SLC39A12: variants seen among roughly 807,000 people sequenced by gnomAD.
SLC39A12 encodes the protein zinc transporter ZIP12.
In SLC39A12, 63 loss-of-function variants were observed where a neutral mutation model predicts 71.1. The ratio of observed to expected loss-of-function variants is 0.89; its 90% CI spans 0.72 to 1.09. SLC39A12 has a LOEUF of 1.09. SLC39A12 is among the 50% of genes least tolerant of loss of function. The pLI, the probability that SLC39A12 is intolerant of heterozygous loss-of-function variation, is 0.00. For synonymous variants in SLC39A12, 351 were observed against 301.3 expected (o/e 1.16, Z -1.71); for missense variants, 892 against 812.6 (o/e 1.10, Z -1.19).
intron 12 of SLC39A12, among the ~76,000 whole-genome samples, chr10:18,015,710 A>C (rs535030227): frequency 1.6e-4 from 25 of 152,228 alleles, no homozygotes; most frequent in African/African-American, 6.0e-4. Context: ...AACCATAATC[A>C]TGATGATTCT....
intron 4 of SLC39A12, among the ~76,000 whole-genome samples, chr10:17,969,963 G>C (rs1041880199): frequency 6.6e-6 from 1 of 151,648 alleles, no homozygotes; most frequent in African/African-American, 2.4e-5. Context: ...TTTGATTTTT[G>C]TATATGATGA....
chr10:18,022,245 T>A (rs527391014), intron 12 of SLC39A12, among the ~76,000 whole-genome samples: 4 of 152,312 alleles, frequency 2.6e-5, no homozygotes, highest in African/African-American at 9.6e-5. Context: ...CCTCTCCGTG[T>A]CTTCCAGGAA....
intron 12 of SLC39A12, among the ~76,000 whole-genome samples, chr10:18,015,508 T>A (rs1223159372): frequency 6.6e-6 from 1 of 152,168 alleles, no homozygotes; most frequent in Non-Finnish European, 1.5e-5. Flanking sequence ...TGGTATAATA[T>A]TGTAGAAAGT....
At chr10:17,959,868 G>C (rs554209578) in intron 2 of SLC39A12, among the ~76,000 whole-genome samples, 1 of 152,316 alleles carries the variant, frequency 6.6e-6, no homozygotes, top group East Asian at 1.9e-4. Flanking sequence ...TGGAGGGGAG[G>C]AAAGACTTTT....
chr10:17,967,538 T>C (rs1047364850), intron 4 of SLC39A12, among the ~76,000 whole-genome samples: 2 of 152,118 alleles, frequency 1.3e-5, no homozygotes, highest in African/African-American at 2.4e-5. Flanking sequence ...GTTTTTAAAA[T>C]AATAACAGTG....
chr10:18,038,258 G>A (rs556480637), intron 12 of SLC39A12, among the ~76,000 whole-genome samples: 3 of 151,954 alleles, frequency 2.0e-5, no homozygotes, highest in African/African-American at 7.2e-5. Context: ...CTGGGAGTAG[G>A]GTCACTGACT....
intron 7 of SLC39A12, among the ~76,000 whole-genome samples, chr10:17,988,072 C>G (rs1835450346): frequency 6.6e-6 from 1 of 152,220 alleles, no homozygotes; most frequent in Non-Finnish European, 1.5e-5. Flanking sequence ...CTTTGGGAGG[C>G]CAAGGCAGGT....
chr10:18,020,076 A>G (rs2488114), intron 12 of SLC39A12, among the ~76,000 whole-genome samples: 67,593 of 151,878 alleles, frequency 0.45, 15,638 homozygotes, highest in Non-Finnish European at 0.52. Context: ...TGGAATACAG[A>G]TAATTTTGTC....
intron 10 of SLC39A12, among the ~76,000 whole-genome samples, chr10:17,998,681 C>T (rs12415053): frequency 6.6e-6 from 1 of 151,972 alleles, no homozygotes; most frequent in African/African-American, 2.4e-5. Flanking sequence ...TCTAAATACC[C>T]ATGATTTTTA....
chr10:17,961,039 C>T (rs1465895460), intron 2 of SLC39A12, among the ~76,000 whole-genome samples: 3 of 151,966 alleles, frequency 2.0e-5, no homozygotes, highest in Admixed American at 1.3e-4. Context: ...TACTAGGGAA[C>T]GCAGGTTGGG....
intron 2 of SLC39A12, among the ~76,000 whole-genome samples, chr10:17,958,803 TTGAG>T (rs1277399919): frequency 1.3e-5 from 2 of 152,318 alleles, no homozygotes; most frequent in South Asian, 4.1e-4. Context: ...CATTAAATAA[TTGAG>T]TAATTGATCT....
At chr10:17,993,382 AC>A in intron 9 of SLC39A12, 91 bp downstream of exon 9, 1 of 901,692 alleles carries the variant, frequency 1.1e-6, no homozygotes, top group East Asian at 2.7e-5. Context: ...GGGTAGATAA[AC>A]AGATTTCATA....
rs1011367510 is a variant in SLC39A12 at position 17,970,928 on chromosome 10, A to G, written c.751+5238A>G. Reference sequence around the variant, plus strand: ...GTTTGTTCTCATTCATTATGATACTAGCTCTGAGTCTAATATATATAGCTT... The same window carrying G: ...GTTTGTTCTCATTCATTATGATACTGGCTCTGAGTCTAATATATATAGCTT... On this transcript the variant is annotated intron_variant, in intron 4 of 12. Coordinates refer to ENST00000377369, the MANE Select transcript of SLC39A12 (RefSeq NM_001145195.2). 2.6e-5 allele frequency among the ~76,000 whole-genome samples: 4 copies of G among 152,002 alleles called. No individual in the cohort carries two copies. In the East Asian group the frequency reaches 7.7e-4, roughly 29 times the overall value.
intron 9 of SLC39A12, among the ~76,000 whole-genome samples, chr10:17,994,578 A>G (rs1234756122): frequency 1.3e-5 from 2 of 152,222 alleles, no homozygotes; most frequent in Non-Finnish European, 2.9e-5. Flanking sequence ...ACTATAAAGC[A>G]TTGTGATTAC....
intron 4 of SLC39A12, among the ~76,000 whole-genome samples, chr10:17,966,922 C>T (rs890378072): frequency 7.9e-5 from 12 of 151,514 alleles, no homozygotes; most frequent in East Asian, 1.9e-4. Context: ...TGCGGTATGT[C>T]GAGATTGCGC....
intron 2 of SLC39A12, among the ~76,000 whole-genome samples, chr10:17,956,877 G>C (rs782073373): frequency 1.8e-4 from 28 of 152,016 alleles, no homozygotes; most frequent in Non-Finnish European, 3.5e-4. Context: ...TCAGTCAGAA[G>C]ACCCACTAAA....
Position 17,953,423 on chromosome 10 carries a change from T to C in SLC39A12, c.147T>C (p.Val49=). 1 of 1,614,140 alleles carries C rather than the reference T, an allele frequency of 6.2e-7. No homozygotes were observed. Among genetic ancestry groups the C allele is most frequent in the Non-Finnish European group, 8.5e-7 (1 of 1,180,040 alleles). The change falls in exon 2 of 13, where the codon GTT becomes GTC. Residue 49 remains valine, a synonymous_variant. Coordinates refer to ENST00000377369, the MANE Select transcript of SLC39A12 (RefSeq NM_001145195.2). ...GCCAACCGGCAGACCTGCTACAGGT[T>C]CTCTCTGCTGGTGACCACCCACCCC... The part of the protein sequence containing the change: ...SSGQPADLLQ[V]LSAGDHPPHN...
chr10:17,998,636 A>C (rs944119771), intron 10 of SLC39A12, among the ~76,000 whole-genome samples: 5 of 152,328 alleles, frequency 3.3e-5, no homozygotes, highest in African/African-American at 1.2e-4. Context: ...TTAGTGAACC[A>C]CAGGAAGGAT....
chr10:18,021,812 G>C (rs1352656617), intron 12 of SLC39A12, among the ~76,000 whole-genome samples: 1 of 152,082 alleles, frequency 6.6e-6, no homozygotes, highest in Non-Finnish European at 1.5e-5. Context: ...AGTCAGGTCT[G>C]GTGGTTACAA....
Sources: allele counts gnomAD v4.1 joint callset (sites outside exome capture counted in the v4.1 genomes callset), GRCh38; gene constraint gnomAD v4.1.1; transcripts MANE v1.5; gene names NCBI Gene and HGNC (gene_info 2026-07-23, HGNC 2026-07-21).